Variants in DIAPH3 observed in about 807,000 individuals in gnomAD.
DIAPH3 encodes protein diaphanous homolog 3.
A neutral mutation model predicts 144.3 loss-of-function variants in DIAPH3; 117 were observed. The ratio of observed to expected loss-of-function variants is 0.81; its 90% confidence interval spans 0.70 to 0.95. DIAPH3 has a LOEUF of 0.95. Among genes scored for constraint, DIAPH3 ranks in the 40% least tolerant of loss-of-function variants. The probability of loss-of-function intolerance (pLI) is 0.00; values close to 1 mark genes in which losing one functional copy is unlikely to be tolerated. For missense variants in DIAPH3, 1,421 were observed against 1,412.7 expected (o/e 1.01, Z -0.09); for synonymous variants, 519 against 488.9 (o/e 1.06, Z -0.81).
At chr13:59,716,041 G>A (rs1178252159) in intron 27 of DIAPH3, among the ~76,000 whole-genome samples, 1 of 152,102 alleles carries the variant, frequency 6.6e-6, no homozygotes, top group East Asian at 1.9e-4. Context: ...ACAGACAACT[G>A]CAGCTACATA....
At chr13:59,955,491 T>C (rs1052786103) in intron 17 of DIAPH3, among the ~76,000 whole-genome samples, 1 of 152,184 alleles carries the variant, frequency 6.6e-6, no homozygotes, top group Non-Finnish European at 1.5e-5. Context: ...AACTTCTTTT[T>C]CTTTATGAAT....
intron 12 of DIAPH3, among the ~76,000 whole-genome samples, chr13:59,989,229 C>A (rs1220551407): frequency 6.6e-6 from 1 of 151,656 alleles, no homozygotes; most frequent in Non-Finnish European, 1.5e-5. Context: ...AAAAAAACAA[C>A]ACTCATAGAC....
intron 27 of DIAPH3, among the ~76,000 whole-genome samples, chr13:59,762,050 A>ACCTTT (rs1389648314): frequency 5.9e-5 from 7 of 119,006 alleles, no homozygotes; most frequent in Non-Finnish European, 1.0e-4. Context: ...AAGCGTCAGC[A>ACCTTT]TCTTTTTTTT....
chr13:59,756,550 G>A (rs1018611182), intron 27 of DIAPH3, among the ~76,000 whole-genome samples: 1 of 138,984 alleles, frequency 7.2e-6, no homozygotes, highest in Non-Finnish European at 1.6e-5. Context: ...GGGAGGGAGG[G>A]AGGAAGGGAG....
intron 27 of DIAPH3, among the ~76,000 whole-genome samples, chr13:59,747,954 G>C (rs991187786): frequency 6.6e-6 from 1 of 152,166 alleles, no homozygotes; most frequent in Admixed American, 6.5e-5. Context: ...ATTTGAGAAT[G>C]CTATGTCTTG....
intron 3 of DIAPH3, among the ~76,000 whole-genome samples, chr13:60,095,569 T>C (rs1016677178): frequency 6.6e-6 from 1 of 151,968 alleles, no homozygotes; most frequent in Non-Finnish European, 1.5e-5. Context: ...TGAGGGCAGC[T>C]AGGGATTGCT....
intron 21 of DIAPH3, among the ~76,000 whole-genome samples, chr13:59,876,089 T>TG (rs1194397892): frequency 1.3e-5 from 2 of 152,208 alleles, no homozygotes; most frequent in Non-Finnish European, 2.9e-5. Flanking sequence ...TTACCCAGCA[T>TG]GTTTTAACAG....
intron 20 of DIAPH3, among the ~76,000 whole-genome samples, chr13:59,882,679 G>C (rs1003006287): frequency 2.6e-5 from 4 of 152,088 alleles, no homozygotes; most frequent in African/African-American, 9.7e-5. Context: ...AAAGGAAAGG[G>C]TAAATGAACA....
intron 14 of DIAPH3, among the ~76,000 whole-genome samples, chr13:59,978,291 AC>A (rs1346051310): frequency 5.9e-5 from 9 of 151,550 alleles, no homozygotes; most frequent in Non-Finnish European, 1.0e-4. Context: ...CAACATAGTC[AC>A]TCTCCCAGCA....
intron 17 of DIAPH3, among the ~76,000 whole-genome samples, chr13:59,947,728 G>A (rs2048872119): frequency 6.7e-6 from 1 of 149,088 alleles, no homozygotes. Context: ...GCAAGACTCT[G>A]TATTTAAAAA....
At chr13:59,915,229 T>A (rs7321201) in intron 19 of DIAPH3, among the ~76,000 whole-genome samples, 11,714 of 151,766 alleles carry the variant, frequency 0.077, 751 homozygotes, top group East Asian at 0.39. Flanking sequence ...AGAAAAAAAA[T>A]GCTTAAATAA....
At chr13:59,914,282 A>C (rs1187541255) in intron 19 of DIAPH3, among the ~76,000 whole-genome samples, 2 of 152,228 alleles carry the variant, frequency 1.3e-5, no homozygotes, top group Non-Finnish European at 2.9e-5. Flanking sequence ...CTTCGCATTA[A>C]AATGAGGAAT....
At chr13:60,136,799 G>C (rs1216054306) in intron 1 of DIAPH3, among the ~76,000 whole-genome samples, 1 of 152,100 alleles carries the variant, frequency 6.6e-6, no homozygotes, top group African/African-American at 2.4e-5. Flanking sequence ...AATTAGCCGG[G>C]CGTGGTGGCG....
chr13:60,131,435 C>CAAAAAAAAAAAAAAAAAAAA (rs777909368), intron 2 of DIAPH3, among the ~76,000 whole-genome samples: 1 of 29,306 alleles, frequency 3.4e-5, no homozygotes, highest in Non-Finnish European at 8.3e-5. Flanking sequence ...GACCCTGTCT[C>CAAAAAAAAAAAAAAAAAAAA]AAAAAAAAAA....
intron 27 of DIAPH3, among the ~76,000 whole-genome samples, chr13:59,760,114 T>C (rs1286879929): frequency 6.6e-6 from 1 of 152,186 alleles, no homozygotes; most frequent in Non-Finnish European, 1.5e-5. Flanking sequence ...AGATTTTCCT[T>C]AATGCACTAT....
chr13:60,107,433 T>G (rs1250278469), intron 3 of DIAPH3, among the ~76,000 whole-genome samples: 1 of 152,162 alleles, frequency 6.6e-6, no homozygotes, highest in Non-Finnish European at 1.5e-5. Context: ...ATACTTTTTG[T>G]ATGCCTGAAA....
intron 25 of DIAPH3, among the ~76,000 whole-genome samples, chr13:59,794,502 A>T (rs566977091): frequency 1.4e-4 from 21 of 151,690 alleles, no homozygotes; most frequent in African/African-American, 5.1e-4. Flanking sequence ...AGCAATTTCA[A>T]ATCTTCTTTA....
intron 17 of DIAPH3, among the ~76,000 whole-genome samples, chr13:59,960,528 A>T (rs2049693343): frequency 6.6e-6 from 1 of 152,178 alleles, no homozygotes; most frequent in South Asian, 2.1e-4. Context: ...ATTTAGCCAT[A>T]CGCTTTATCT....
chr13:59,843,186 G>A (rs899418244), intron 22 of DIAPH3, among the ~76,000 whole-genome samples: 2 of 152,176 alleles, frequency 1.3e-5, no homozygotes, highest in Admixed American at 6.5e-5. Flanking sequence ...CTTCGTGTCA[G>A]GAACCAGGGG....
Sources: allele counts gnomAD v4.1 joint callset (sites outside exome capture counted in the v4.1 genomes callset), GRCh38; gene constraint gnomAD v4.1.1; transcripts MANE v1.5; gene names NCBI Gene and HGNC (gene_info 2026-07-23, HGNC 2026-07-21).